TLN1: variants seen among roughly 807,000 people sequenced by gnomAD.
TLN1 encodes the protein talin 1.
TLN1 carries 56 observed loss-of-function variants against 292.3 expected under a neutral mutation model. The observed-to-expected ratio is 0.19, with a 90% confidence interval of 0.15 to 0.24. The LOEUF (loss-of-function observed/expected upper bound fraction) is 0.24. Among genes scored for constraint, TLN1 ranks in the 10% least tolerant of loss-of-function variants. The pLI is 1.00. For synonymous variants in TLN1, 1,119 were observed against 1,253.7 expected, an observed-to-expected ratio of 0.89 and a Z score of 2.27; for missense variants, 2,433 against 3,248.2, an observed-to-expected ratio of 0.75 and a Z score of 6.10.
Position 35,704,115 on chromosome 9 carries a change from T to C in TLN1, c.6107A>G (p.Asn2036Ser). The C allele has an allele frequency of 6.2e-7, 1 of 1,613,272 alleles. No individual in the cohort carries two copies. Among genetic ancestry groups the C allele is most frequent in the Non-Finnish European group, 8.5e-7 (1 of 1,179,754 alleles). Residue 2036 changes from asparagine to serine, a missense_variant, in exon 46 of 57, where the codon AAC becomes AGC. This residue lies in a region of TLN1 where 1,384 missense variants were observed against 1,699.6 expected (regional missense o/e 0.81). Coordinates refer to ENST00000314888, the MANE Select transcript of TLN1 (RefSeq NM_006289.4). This position sits in a 1 kb window ranked among gnomAD's most constrained non-coding sequence, Gnocchi z 6.9. ...LVEDTKVLVQ[N>S]AAGSQEKLAQ... ...CAACTTCTCCTGGCTCCCAGCTGCGTTTTGCACCAGGACCTTGGTGTCCTC... is the reference window on the plus strand; with the variant it reads ...CAACTTCTCCTGGCTCCCAGCTGCGCTTTGCACCAGGACCTTGGTGTCCTC...
At chr9:35,709,799 A>C (rs1212268733) in intron 33 of TLN1, among the ~76,000 whole-genome samples, 1 of 136,404 alleles carries the variant, frequency 7.3e-6, no homozygotes, top group African/African-American at 2.8e-5. Flanking sequence ...AGGCAGGAGA[A>C]TGGCGTGAAC....
chr9:35,718,075 T>C (rs1200889105), intron 17 of TLN1, among the ~76,000 whole-genome samples: 1 of 152,104 alleles, frequency 6.6e-6, no homozygotes, highest in Non-Finnish European at 1.5e-5. Context: ...GCTGTTACAA[T>C]GGGGTGGGGA....
Position 35,717,054 on chromosome 9 carries a change from G to C in TLN1, c.2458+92C>G, listed in dbSNP as rs937864922. On this transcript the variant is annotated intron_variant, in intron 19 of 56. Transcript: ENST00000314888. The surrounding 1 kb of genome is among the most constrained non-coding windows in gnomAD (Gnocchi z 4.7). Reference sequence around the variant, plus strand: ...GCCCACACTGTGCTGAGTTCCTTGGGGTGAAGTGGTTAGGTCCGCAAGGGG... The same window carrying C: ...GCCCACACTGTGCTGAGTTCCTTGGCGTGAAGTGGTTAGGTCCGCAAGGGG... The C allele has an allele frequency of 7.0e-6, 10 of 1,432,096 alleles. No homozygotes were observed. In the African/African-American group the frequency reaches 1.4e-4, roughly 20 times the overall value. The allele number at this position is 1,432,096 out of a possible 1,614,324, so 88.7% of individuals were successfully genotyped here.
At position 35,723,960 on chromosome 9, in the gene TLN1, G is replaced by A. The variant is rs1413553352; in HGVS notation, c.774C>T (p.Gly258=). The A allele has an allele frequency of 2.5e-6, 4 of 1,614,000 alleles. No homozygotes were observed. Among genetic ancestry groups the A allele is most frequent in the Non-Finnish European group, 2.5e-6 (3 of 1,180,000 alleles). ...GGATGTGGGTCACTCACTCAAGGAA[G>A]CCAGCCTTGTGCTTCTGCTCATTGT... The part of the protein sequence containing the change: ...GPHNEQKHKA[G]FLDLKDFLPK... The change falls in exon 7 of 57, where the codon GGC becomes GGT. Residue 258 remains glycine (G), a synonymous_variant. Transcript: ENST00000314888.
In TLN1 at chr9:35,703,696, G is replaced by T; in HGVS notation, c.6358-20C>A. The T allele has an allele frequency of 6.2e-7, 1 of 1,614,184 alleles. No individual in the cohort carries two copies. The highest frequency in any genetic ancestry group is 8.5e-7 in the Non-Finnish European group (1 of 1,180,016). ...CATCACCTGGAGGTATCAGAGGAGT[G>T]AAGAGGAATGATTTTAAGGAACAGG... On this transcript the variant is annotated intron_variant, in intron 47 of 56. Transcript: ENST00000314888.
chr9:35,716,335 C>T, intron 20 of TLN1, 55 bp downstream of exon 20: 1 of 1,597,214 alleles, frequency 6.3e-7, no homozygotes, highest in Non-Finnish European at 8.6e-7. Context: ...ACCATCTGGA[C>T]TGCTCTACTT....
intron 48 of TLN1, among the ~76,000 whole-genome samples, chr9:35,700,846 C>T (rs1002502205): frequency 6.6e-6 from 1 of 152,152 alleles, no homozygotes; most frequent in Admixed American, 6.5e-5. Context: ...TGTACGGGTT[C>T]AATCTGCAAA....
At chr9:35,709,289 G>A (rs971952559) in intron 33 of TLN1, among the ~76,000 whole-genome samples, 21 of 152,054 alleles carry the variant, frequency 1.4e-4, no homozygotes, top group Non-Finnish European at 2.6e-4. Context: ...GCGAGACTCC[G>A]TCTCAAAAAA....
Position 35,698,959 on chromosome 9 carries a change from G to C in TLN1, c.7000-26C>G, listed in dbSNP as rs757328575. The C allele has an allele frequency of 2.0e-5, 33 of 1,611,500 alleles. No individual in the cohort carries two copies. Among genetic ancestry groups the C allele is most frequent in the Non-Finnish European group, 2.7e-5 (32 of 1,177,814 alleles). On this transcript the variant is annotated intron_variant, in intron 52 of 56. Transcript: ENST00000314888. The surrounding 1 kb of genome is among the most constrained non-coding windows in gnomAD (Gnocchi z 5.3). ...CTGCAATAAGCGAAGGTTGCAGAAA[G>C]AGATGTAAAGTCAGAGATGAAGGTG...
intron 1 of TLN1, among the ~76,000 whole-genome samples, chr9:35,728,902 C>T (rs144371871): frequency 4.7e-4 from 72 of 152,220 alleles, no homozygotes; most frequent in African/African-American, 1.7e-3. Flanking sequence ...AAGCCAAGTA[C>T]AGAATCACAA....
At position 35,717,104 on chromosome 9, in the gene TLN1, C is replaced by T. The variant is rs752841688; in HGVS notation, c.2458+42G>A. On this transcript the variant is annotated intron_variant, in intron 19 of 56. Coordinates refer to ENST00000314888, the MANE Select transcript of TLN1 (RefSeq NM_006289.4). This position sits in a 1 kb window ranked among gnomAD's most constrained non-coding sequence, Gnocchi z 4.7. ...GATGATGTCCAGTGGGCTTAGGGAA[C>T]CCTGGTAGGGTTTTTTGTTTTCCTG... 2 of 1,554,906 alleles carry T rather than the reference C, an allele frequency of 1.3e-6. No homozygotes were observed. The highest frequency in any genetic ancestry group is 3.7e-5 in the Admixed American group (2 of 54,480).
At position 35,704,075 on chromosome 9, in the gene TLN1, C is replaced by T. The variant is rs767737698; in HGVS notation, c.6147G>A (p.Gln2049=). The change falls in exon 46 of 57, where the codon CAG becomes CAA. Residue 2049 remains glutamine (Q), a synonymous_variant. Coordinates refer to ENST00000314888, the MANE Select transcript of TLN1 (RefSeq NM_006289.4). This position sits in a 1 kb window ranked among gnomAD's most constrained non-coding sequence, Gnocchi z 6.9. ...GSQEKLAQAA[Q]SSVATITRLA... Reference sequence around the variant, plus strand: ...GGCGGGTGATGGTCGCCACGGAGGACTGGGCAGCCTGCGCCAACTTCTCCT... The same window carrying T: ...GGCGGGTGATGGTCGCCACGGAGGATTGGGCAGCCTGCGCCAACTTCTCCT... 8.7e-6 allele frequency: 14 copies of T among 1,613,738 alleles called. No individual in the cohort carries two copies. In the South Asian group the frequency reaches 1.3e-4, roughly 15 times the overall value.
chr9:35,704,011 C>G lies in TLN1; in HGVS notation c.6211G>C (p.Ala2071Pro). ...VVKLGAASLG[A>P]EDPETQVVLI... is the part of the protein sequence containing the mutation. The stretch of plus-strand genomic sequence containing the variant: ...ACTACCTGGGTCTCAGGGTCCTCAG[C>G]TCCCAGGCTGGCTGCACCCAGCTTG... The change falls in exon 46 of 57, where the codon GCT becomes CCT. Residue 2071 changes from alanine (A) to proline (P), a missense_variant. By Grantham distance (27) the Ala-to-Pro change is conservative. This residue lies in a region of TLN1 where 1,384 missense variants were observed against 1,699.6 expected (regional missense o/e 0.81). Transcript: ENST00000314888. This position sits in a 1 kb window ranked among gnomAD's most constrained non-coding sequence, Gnocchi z 6.9. The G allele has an allele frequency of 6.2e-7, 1 of 1,613,038 alleles. No individual in the cohort carries two copies. Among genetic ancestry groups the G allele is most frequent in the South Asian group, 1.1e-5 (1 of 90,978 alleles).
chr9:35,703,422 CAAAAAAA>C, intron 48 of TLN1, 131 bp downstream of exon 48: 1 of 792,648 alleles, frequency 1.3e-6, no homozygotes, highest in Non-Finnish European at 2.1e-6. Flanking sequence ...AGACCCTTCT[CAAAAAAA>C]AAGTCTGGCG....
rs1563942561 is a variant in TLN1, at chr9:35,711,964, C to CT, written c.3681+40dup. ...AGGGAGGAAGGAGAGGCCTGGCATT[C>CT]TTTGACTCCTACGTTCCCCCACCCC... On this transcript the variant is annotated intron_variant, in intron 28 of 56. Transcript: ENST00000314888. 3 of 1,608,236 alleles carry CT rather than the reference C, an allele frequency of 1.9e-6. No individual in the cohort carries two copies. The East Asian group carries it at 6.7e-5, about 36-fold the overall frequency.
intron 46 of TLN1, 42 bp from the exon 47 acceptor site, chr9:35,703,942 G>A (rs778541084): frequency 1.2e-6 from 2 of 1,613,684 alleles, no homozygotes; most frequent in Admixed American, 1.7e-5. Flanking sequence ...GGAGGAAGAA[G>A]CGGGACAGGA....
chr9:35,712,897 C>T lies in TLN1; in HGVS notation c.3499G>A (p.Glu1167Lys). The change falls in exon 27 of 57, where the codon GAG becomes AAG. Residue 1167 changes from glutamate to lysine, a missense_variant. Coordinates refer to ENST00000314888, the MANE Select transcript of TLN1 (RefSeq NM_006289.4). ...TGGCCAGCTGCCTTTTTCGCCTCCTCAATGAGGCTGCTGGCCTTGTCCAGC... is the reference window on the plus strand; with the variant it reads ...TGGCCAGCTGCCTTTTTCGCCTCCTTAATGAGGCTGCTGGCCTTGTCCAGC... ...DVLDKASSLIEEAKKAAGHPG... is the reference protein window; with the variant it reads ...DVLDKASSLIKEAKKAAGHPG... The T allele has an allele frequency of 6.2e-7, 1 of 1,603,060 alleles. No individual in the cohort carries two copies. The highest frequency in any genetic ancestry group is 8.5e-7 in the Non-Finnish European group (1 of 1,174,458).
intron 1 of TLN1, among the ~76,000 whole-genome samples, chr9:35,726,133 C>T (rs920345788): frequency 4.6e-5 from 7 of 152,158 alleles, no homozygotes; most frequent in Admixed American, 1.3e-4. Context: ...AGGATGGTCT[C>T]GATCTCCTGA....
rs187774888 is a variant in TLN1, at chr9:35,725,191, G to T, written c.228+33C>A. 2,896 of 1,607,218 alleles carry T rather than the reference G, an allele frequency of 1.8e-3. 6 individuals are homozygous for T. Among genetic ancestry groups the T allele is most frequent in the Non-Finnish European group, 2.1e-3 (2,443 of 1,173,824 alleles). ...GGAACAGGGAGAAGCTGATGGAAGG[G>T]GATGTGGTGGTCCTTGATGAAAGGA... On this transcript the variant is annotated intron_variant, in intron 3 of 56. Coordinates refer to ENST00000314888, the MANE Select transcript of TLN1 (RefSeq NM_006289.4).
Sources: gnomAD v4.1 joint callset for allele counts (sites outside exome capture counted in the v4.1 genomes callset) on GRCh38, gnomAD v4.1.1 for gene constraint, gnomAD v4.1.1 regional missense constraint, Gnocchi (gnomAD v3.1) non-coding constraint, MANE v1.5 for transcripts, NCBI Gene and HGNC (gene_info 2026-07-23, HGNC 2026-07-21) for gene names.